PTPRE: variants seen among roughly 807,000 people sequenced by gnomAD.
PTPRE encodes receptor-type tyrosine-protein phosphatase epsilon.
Under a neutral mutation model 102.0 loss-of-function variants are expected in PTPRE, and 51 were observed. The observed-to-expected ratio is 0.50, with a 90% CI of 0.40 to 0.63. The LOEUF (loss-of-function observed/expected upper bound fraction) is 0.63, where lower values mean the gene tolerates loss of function less well. Ranked by LOEUF, PTPRE falls within the 30% of genes least tolerant of loss-of-function variation. PTPRE has a pLI of 0.00. For missense variants in PTPRE, 752 were observed against 915.1 expected, an observed-to-expected ratio of 0.82 and a Z score of 2.30; for synonymous variants, 345 against 348.2, an observed-to-expected ratio of 0.99 and a Z score of 0.10.
In PTPRE at chr10:127,995,999, C is replaced by A. The variant is rs1353534301; in HGVS notation, c.-8+13703C>A. Among the ~76,000 whole-genome samples, 8 of 152,184 alleles carry A rather than the reference C, an allele frequency of 5.3e-5. 1 individual carries two copies. Among genetic ancestry groups the A allele is most frequent in the Non-Finnish European group, 1.2e-4 (8 of 68,038 alleles). On this transcript the variant is annotated intron_variant, in intron 2 of 20. Transcript: ENST00000254667. ...TACATGCTGCTGTCTTAGATGCCAG[C>A]CTTGGTCTTAAAGAGCCTGGTTTCT... is the stretch of plus-strand genomic sequence containing the variant.
chr10:127,923,398 ATTT>A (rs35994733), intron 1 of PTPRE, among the ~76,000 whole-genome samples: 3 of 106,910 alleles, frequency 2.8e-5, no homozygotes, highest in Non-Finnish European at 1.8e-5. Flanking sequence ...ACCAGTTTGA[ATTT>A]TTTTTTTTTT....
At chr10:127,943,992 G>A (rs1013093210) in intron 1 of PTPRE, among the ~76,000 whole-genome samples, 3 of 152,204 alleles carry the variant, frequency 2.0e-5, no homozygotes, top group Non-Finnish European at 4.4e-5. Context: ...CTAATTAGAA[G>A]CAATAGTGTT....
chr10:128,067,047 CACAT>C (rs1281769251), intron 11 of PTPRE, among the ~76,000 whole-genome samples: 2 of 151,938 alleles, frequency 1.3e-5, no homozygotes, highest in African/African-American at 2.4e-5. Context: ...TACTCCCACA[CACAT>C]GCATGCACAT....
At chr10:128,049,019 C>T (rs894636200) in intron 5 of PTPRE, among the ~76,000 whole-genome samples, 2 of 152,114 alleles carry the variant, frequency 1.3e-5, no homozygotes, top group African/African-American at 4.8e-5. Context: ...TGTCACCCTC[C>T]CCAGACAAGG....
intron 17 of PTPRE, among the ~76,000 whole-genome samples, chr10:128,074,308 ACT>A (rs1355691182): frequency 1.4e-4 from 21 of 152,134 alleles, no homozygotes; most frequent in Admixed American, 3.9e-4. Context: ...GATATACTAC[ACT>A]CTGCATATCC....
rs997265797 is a variant in PTPRE, at chr10:127,928,119, A to T, written c.-31+20810A>T. 2.6e-5 allele frequency among the ~76,000 whole-genome samples: 4 copies of T among 152,210 alleles called. No individual in the cohort carries two copies. The East Asian group carries it at 7.7e-4, about 29-fold the overall frequency. On this transcript the variant is annotated intron_variant, in intron 1 of 20. Coordinates refer to ENST00000254667, the MANE Select transcript of PTPRE (RefSeq NM_006504.6). ...CATTAGTGGTGACCGTCAGATTTATAGTTAAAGCAAAACTTCAAGAGGGGT... is the reference window on the plus strand; with the variant it reads ...CATTAGTGGTGACCGTCAGATTTATTGTTAAAGCAAAACTTCAAGAGGGGT...
chr10:127,914,767 T>C (rs1190683892), intron 1 of PTPRE, among the ~76,000 whole-genome samples: 1 of 152,220 alleles, frequency 6.6e-6, no homozygotes, highest in Admixed American at 6.5e-5. Flanking sequence ...GGTGAGCTTT[T>C]ATCTTCCAAT....
At chr10:128,076,787 G>A in intron 18 of PTPRE, 59 bp downstream of exon 18, 2 of 1,598,186 alleles carry the variant, frequency 1.3e-6, no homozygotes, top group Admixed American at 1.8e-5. Flanking sequence ...CCCTCCCTCT[G>A]GGTTCTGCTT....
chr10:127,931,145 T>C (rs1400768463), intron 1 of PTPRE, among the ~76,000 whole-genome samples: 2 of 152,182 alleles, frequency 1.3e-5, no homozygotes, highest in Non-Finnish European at 2.9e-5. Context: ...TGAGTAGTAG[T>C]ATTTCATGTC....
chr10:128,000,433 T>C (rs1853753649), intron 2 of PTPRE, among the ~76,000 whole-genome samples: 1 of 152,232 alleles, frequency 6.6e-6, no homozygotes, highest in Non-Finnish European at 1.5e-5. Context: ...AACACAAAAT[T>C]GGAGGGGAGA....
chr10:128,076,825 C>A (rs1851245526), intron 18 of PTPRE, 97 bp downstream of exon 18: 2 of 1,528,344 alleles, frequency 1.3e-6, no homozygotes, highest in Non-Finnish European at 1.8e-6. Flanking sequence ...TGGCCCTGCA[C>A]CTGTCCTGCT....
At chr10:128,019,103 C>G (rs1212309557) in intron 2 of PTPRE, among the ~76,000 whole-genome samples, 1 of 152,238 alleles carries the variant, frequency 6.6e-6, no homozygotes, top group Non-Finnish European at 1.5e-5. Flanking sequence ...TGGGGCATCC[C>G]CTGGTCCCTG....
chr10:128,061,151 C>A, intron 8 of PTPRE, 136 bp downstream of exon 8: 1 of 736,890 alleles, frequency 1.4e-6, no homozygotes, highest in Non-Finnish European at 2.3e-6. Flanking sequence ...GGGTACGGAA[C>A]TGCCCGTGCT....
intron 2 of PTPRE, among the ~76,000 whole-genome samples, chr10:127,997,045 T>A (rs903121602): frequency 6.6e-6 from 1 of 151,906 alleles, no homozygotes; most frequent in Non-Finnish European, 1.5e-5. Context: ...AAGAACACAG[T>A]GCAACAGTCA....
At chr10:127,987,138 T>C (rs948899666) in intron 2 of PTPRE, 28 of 169,592 alleles carry the variant, frequency 1.7e-4, no homozygotes, top group Non-Finnish European at 2.1e-4. Flanking sequence ...CCACATTCTT[T>C]CAAGAAGTGC....
chr10:127,986,835 C>T (rs535106336), intron 2 of PTPRE, among the ~76,000 whole-genome samples: 145 of 152,330 alleles, frequency 9.5e-4, no homozygotes, highest in African/African-American at 3.4e-3. Flanking sequence ...TGCCCCGGGC[C>T]GGCCTTCAGA....
chr10:128,039,797 G>A (rs527461844), intron 2 of PTPRE, among the ~76,000 whole-genome samples: 26 of 152,048 alleles, frequency 1.7e-4, no homozygotes, highest in East Asian at 3.9e-4. Flanking sequence ...GAGTGGGGGG[G>A]CCACACCTCC....
intron 17 of PTPRE, among the ~76,000 whole-genome samples, chr10:128,075,446 T>G (rs1159073837): frequency 6.8e-6 from 1 of 147,364 alleles, no homozygotes; most frequent in Non-Finnish European, 1.5e-5. Context: ...CCCCTCACCC[T>G]CCACCCCCCA....
intron 2 of PTPRE, among the ~76,000 whole-genome samples, chr10:128,010,548 T>TTTCTTTTCTTTTC: frequency 7.8e-6 from 1 of 128,092 alleles, no homozygotes; most frequent in South Asian, 2.4e-4. Context: ...CCCTGTTCCT[T>TTTCTTTTCTTTTC]TTCTTTTCTT....
Sources: allele counts gnomAD v4.1 joint callset (sites outside exome capture counted in the v4.1 genomes callset), GRCh38; gene constraint gnomAD v4.1.1; transcripts MANE v1.5; gene names NCBI Gene and HGNC (gene_info 2026-07-23, HGNC 2026-07-21).